FBXL2: variants seen among roughly 807,000 people sequenced by gnomAD.
FBXL2 encodes the protein F-box/LRR-repeat protein 2.
In FBXL2, 38 loss-of-function variants were observed where a neutral mutation model predicts 69.2. The observed-to-expected ratio is 0.55, with a 90% CI of 0.42 to 0.72. The LOEUF (loss-of-function observed/expected upper bound fraction) is 0.72, where lower values mean the gene tolerates loss of function less well. Among genes scored for constraint, FBXL2 ranks in the 30% least tolerant of loss-of-function variants. FBXL2 has a pLI of 0.00. For synonymous variants in FBXL2, 192 were observed against 201.3 expected (o/e 0.95, Z 0.39); for missense variants, 354 against 520.3 (o/e 0.68, Z 3.11).
chr3:33,375,527 A>G (rs1436577003), intron 10 of FBXL2, 109 bp downstream of exon 10: 1 of 1,305,248 alleles, frequency 7.7e-7, no homozygotes, highest in Non-Finnish European at 1.1e-6. Context: ...TGGAGGCAGT[A>G]GTTATGTTGT....
chr3:33,395,056 A>G (rs570050977), intron 12 of FBXL2, among the ~76,000 whole-genome samples: 29 of 152,188 alleles, frequency 1.9e-4, no homozygotes, highest in African/African-American at 6.5e-4. Context: ...TTGAGAATAC[A>G]CCTTCCAAAA....
intron 12 of FBXL2, chr3:33,396,906 T>C (rs1181410581): frequency 1.2e-6 from 1 of 800,946 alleles, no homozygotes; most frequent in East Asian, 2.7e-5. Flanking sequence ...ACAGTCTTCT[T>C]GTGAGCACAA....
the FBXL2 span, among the ~76,000 whole-genome samples, chr3:33,413,218 G>A: frequency 1.3e-5 from 2 of 152,178 alleles, no homozygotes; most frequent in South Asian, 2.1e-4. Context: ...CAGAAACAAT[G>A]GTAAAACTTT....
At chr3:33,331,247 G>T (rs960238575) in intron 2 of FBXL2, among the ~76,000 whole-genome samples, 2 of 143,794 alleles carry the variant, frequency 1.4e-5, no homozygotes, top group Non-Finnish European at 3.0e-5. Context: ...TAGAAAAAAT[G>T]GTTACAATCA....
At chr3:33,412,430 G>A in the FBXL2 span, among the ~76,000 whole-genome samples, 1 of 151,608 alleles carries the variant, frequency 6.6e-6, no homozygotes, top group South Asian at 2.1e-4. Flanking sequence ...CAAGACACAA[G>A]ATCCTAGAGG....
intron 12 of FBXL2, chr3:33,397,640 A>G (rs1414860337): frequency 6.6e-6 from 1 of 152,256 alleles, no homozygotes; most frequent in Non-Finnish European, 1.5e-5. Flanking sequence ...GTGCAATGTA[A>G]AGTCAAACAT....
At chr3:33,354,837 T>C (rs548140568) in intron 2 of FBXL2, among the ~76,000 whole-genome samples, 204 of 152,362 alleles carry the variant, frequency 1.3e-3, no homozygotes, top group Middle Eastern at 3.4e-3. Context: ...TGAATTGATA[T>C]TTTATGTGGA....
At chr3:33,359,590 C>T (rs564223172) in intron 4 of FBXL2, among the ~76,000 whole-genome samples, 2 of 151,794 alleles carry the variant, frequency 1.3e-5, no homozygotes, top group South Asian at 4.2e-4. Flanking sequence ...CTGAATTTTA[C>T]TACTCAGCTT....
chr3:33,384,200 G>T lies in FBXL2; in HGVS notation c.1163G>T (p.Arg388Leu). 1 of 1,613,574 alleles carries T rather than the reference G, an allele frequency of 6.2e-7. No individual in the cohort carries two copies. Among genetic ancestry groups the T allele is most frequent in the South Asian group, 1.1e-5 (1 of 91,044 alleles). Residue 388 changes from arginine to leucine, a missense_variant and splice_region_variant, in exon 14 of 15, where the codon CGG (arginine) becomes CTG (leucine). Transcript: ENST00000484457. ...QVTRAGIKRMRAQLPHVKVHA... is the reference protein window; with the variant it reads ...QVTRAGIKRMLAQLPHVKVHA... ...ACCCGTGCAGGCATCAAGCGGATGC[G>T]GGTAGGTATGGGGCAGGGGAGTCAG...
chr3:33,278,583 GT>G (rs1362166655), intron 1 of FBXL2, among the ~76,000 whole-genome samples: 10 of 152,142 alleles, frequency 6.6e-5, no homozygotes, highest in Admixed American at 4.6e-4. Context: ...GGCTGGCTCA[GT>G]TTTTTTCTTA....
chr3:33,329,056 A>G (rs184263526), intron 2 of FBXL2, among the ~76,000 whole-genome samples: 88 of 152,156 alleles, frequency 5.8e-4, no homozygotes, highest in African/African-American at 1.9e-3. Flanking sequence ...AACAAAACAA[A>G]CACCTACCTT....
chr3:33,379,769 A>G (rs1002718501), intron 13 of FBXL2, among the ~76,000 whole-genome samples: 1 of 152,114 alleles, frequency 6.6e-6, no homozygotes, highest in Admixed American at 6.5e-5. Flanking sequence ...ATATTAGCAA[A>G]TAGAATGTAG....
intron 2 of FBXL2, among the ~76,000 whole-genome samples, chr3:33,301,950 G>T (rs540273541): frequency 1.1e-4 from 16 of 152,220 alleles, no homozygotes; most frequent in Non-Finnish European, 1.8e-4. Flanking sequence ...GCCTTAATTT[G>T]CCCATCTATA....
chr3:33,409,104 A>C, the FBXL2 span: 1 of 884,540 alleles, frequency 1.1e-6, no homozygotes, highest in South Asian at 1.7e-5. Context: ...TTTCCCCAGA[A>C]ATTTCACAGA....
In FBXL2 at chr3:33,322,217, A is replaced by G. The variant is rs780220281; in HGVS notation, c.65+24492A>G. 1.7e-4 allele frequency among the ~76,000 whole-genome samples: 26 copies of G among 151,806 alleles called. No individual in the cohort carries two copies. In the East Asian group the frequency reaches 2.3e-3, roughly 14 times the overall value. Reference sequence around the variant, plus strand: ...CTCAGCCTCCCGAGTAGCTGGGACTACCGGTGCCTGCCACCATGCCTGGCT... The same window carrying G: ...CTCAGCCTCCCGAGTAGCTGGGACTGCCGGTGCCTGCCACCATGCCTGGCT... On this transcript the variant is annotated intron_variant, in intron 2 of 14. Coordinates refer to ENST00000484457, the MANE Select transcript of FBXL2 (RefSeq NM_012157.5).
rs562972948 is a variant in FBXL2, at chr3:33,331,106, G to T, written c.66-27861G>T. On this transcript the variant is annotated intron_variant, in intron 2 of 14. Transcript: ENST00000484457. ...CCCGGTTTCATTTGCTATAATAATG[G>T]AAGTACAGGGTAGTTGATATTCTAA... Among the ~76,000 whole-genome samples the T allele has an allele frequency of 3.3e-5, 5 of 151,780 alleles. No individual in the cohort carries two copies. The East Asian group carries it at 9.7e-4, about 29-fold the overall frequency.
intron 14 of FBXL2, among the ~76,000 whole-genome samples, chr3:33,385,016 G>C (rs1029751090): frequency 1.3e-5 from 2 of 152,120 alleles, no homozygotes; most frequent in Admixed American, 6.5e-5. Context: ...CGACAAGAGT[G>C]AAACTCTGTC....
At chr3:33,311,535 G>A (rs184675826) in intron 2 of FBXL2, among the ~76,000 whole-genome samples, 2 of 152,040 alleles carry the variant, frequency 1.3e-5, no homozygotes, top group Non-Finnish European at 2.9e-5. Flanking sequence ...TGGGCTCACT[G>A]ATTCTTTATT....
At chr3:33,348,304 T>C (rs979424793) in intron 2 of FBXL2, among the ~76,000 whole-genome samples, 23 of 152,142 alleles carry the variant, frequency 1.5e-4, no homozygotes, top group Non-Finnish European at 5.9e-5. Context: ...GATATGTTCT[T>C]GGGAACTTTG....
Sources: gnomAD v4.1 joint callset for allele counts (sites outside exome capture counted in the v4.1 genomes callset) on GRCh38, gnomAD v4.1.1 for gene constraint, MANE v1.5 for transcripts, NCBI Gene and HGNC (gene_info 2026-07-23, HGNC 2026-07-21) for gene names.